The following ITGB5 variants were observed in gnomAD, a reference collection of about 807,000 sequenced individuals.
ITGB5 encodes integrin subunit beta 5.
A neutral mutation model predicts 84.8 loss-of-function variants in ITGB5; 38 were observed. That is an observed-to-expected ratio of 0.45 (90% CI 0.35 to 0.59). The LOEUF is 0.59. Ranked by LOEUF, ITGB5 falls within the 20% of genes least tolerant of loss-of-function variation. The probability of loss-of-function intolerance (pLI) is 0.01; values close to 1 mark genes in which losing one functional copy is unlikely to be tolerated. For synonymous variants in ITGB5, 393 were observed against 414.4 expected (o/e 0.95, Z 0.63); for missense variants, 905 against 1,034.5 (o/e 0.87, Z 1.72).
chr3:124,811,457 T>C (rs1291431552), intron 8 of ITGB5, among the ~76,000 whole-genome samples: 1 of 152,194 alleles, frequency 6.6e-6, no homozygotes, highest in Non-Finnish European at 1.5e-5. Context: ...AGTGAAGGCA[T>C]GTAAAAAAAT....
intron 6 of ITGB5, 100 bp downstream of exon 6, chr3:124,821,213 G>A: frequency 7.6e-7 from 1 of 1,322,610 alleles, no homozygotes; most frequent in Non-Finnish European, 1.0e-6. Context: ...AGTGAATACT[G>A]AGGGCCAGAG....
At chr3:124,830,930 G>T (rs527742948) in intron 5 of ITGB5, among the ~76,000 whole-genome samples, 3 of 152,158 alleles carry the variant, frequency 2.0e-5, no homozygotes, top group Admixed American at 6.5e-5. Flanking sequence ...GTTGCAGTGA[G>T]CTGAGATCAC....
chr3:124,896,930 A>T (rs1177955452), intron 1 of ITGB5, among the ~76,000 whole-genome samples: 3 of 149,710 alleles, frequency 2.0e-5, no homozygotes, highest in South Asian at 2.1e-4. Context: ...AAAAAAAAAA[A>T]TTTAAAAAGA....
At chr3:124,898,909 C>G (rs1033766328) in intron 1 of ITGB5, among the ~76,000 whole-genome samples, 31 of 151,644 alleles carry the variant, frequency 2.0e-4, no homozygotes, top group African/African-American at 7.2e-4. Context: ...AACCCTGTCT[C>G]TACTAAAAAT....
At chr3:124,772,016 A>G (rs1251288144) in intron 11 of ITGB5, among the ~76,000 whole-genome samples, 2 of 151,948 alleles carry the variant, frequency 1.3e-5, no homozygotes, top group African/African-American at 4.8e-5. Flanking sequence ...CTCCCCATTT[A>G]CCTAGTGTGC....
At chr3:124,820,927 G>T (rs2107559056) in intron 6 of ITGB5, among the ~76,000 whole-genome samples, 1 of 152,212 alleles carries the variant, frequency 6.6e-6, no homozygotes, top group Middle Eastern at 3.4e-3. Flanking sequence ...TAGAAGTCAG[G>T]AAGTCCTGCC....
intron 1 of ITGB5, among the ~76,000 whole-genome samples, chr3:124,876,024 AG>A (rs1324008411): frequency 6.6e-6 from 1 of 152,218 alleles, no homozygotes; most frequent in Non-Finnish European, 1.5e-5. Context: ...AGATGGTTAA[AG>A]GGTACAAAGT....
chr3:124,859,267 C>T lies in ITGB5; in HGVS notation c.336G>A (p.Gln112=). ...AGWDVIQMTP[Q]EIAVNLRPGD... is the part of the protein sequence containing the mutation. ...CGGGCCGGAGGTTCACGGCAATCTC[C>T]TGTGGTGTCATCTGAATGACGTCCC... Residue 112 remains glutamine (Q), a synonymous_variant, in exon 3 of 15, where the codon CAG becomes CAA. Transcript: ENST00000296181. 1 of 1,614,104 alleles carries T rather than the reference C, an allele frequency of 6.2e-7. No individual in the cohort carries two copies. The highest frequency in any genetic ancestry group is 8.5e-7 in the Non-Finnish European group (1 of 1,180,020).
At chr3:124,793,508 G>A (rs1283801531) in intron 10 of ITGB5, among the ~76,000 whole-genome samples, 2 of 152,246 alleles carry the variant, frequency 1.3e-5, no homozygotes, top group African/African-American at 4.8e-5. Flanking sequence ...TGCACATGGG[G>A]AACCAGGTGT....
chr3:124,801,631 T>C (rs2064317857), intron 9 of ITGB5, among the ~76,000 whole-genome samples: 1 of 152,178 alleles, frequency 6.6e-6, no homozygotes, highest in African/African-American at 2.4e-5. Context: ...CTGCTTTTCC[T>C]AATCCCTCTT....
At chr3:124,890,947 A>G (rs546755047), upstream of ITGB5, among the ~76,000 whole-genome samples, 3 of 152,056 alleles carry the variant, frequency 2.0e-5, no homozygotes, top group South Asian at 6.2e-4. Context: ...CATTAAATTC[A>G]GTATGCACTG....
At chr3:124,772,756 G>A (rs1030756721) in intron 11 of ITGB5, among the ~76,000 whole-genome samples, 1 of 152,124 alleles carries the variant, frequency 6.6e-6, no homozygotes, top group Non-Finnish European at 1.5e-5. Context: ...CCGAGTCAGC[G>A]AAGGCTGGGG....
chr3:124,829,608 C>T (rs1329467719), intron 5 of ITGB5, among the ~76,000 whole-genome samples: 1 of 152,156 alleles, frequency 6.6e-6, no homozygotes. Flanking sequence ...GCCTTTCAGC[C>T]AGTGCTCTCC....
intron 1 of ITGB5, among the ~76,000 whole-genome samples, chr3:124,893,841 A>G (rs1007452620): frequency 2.6e-5 from 4 of 152,328 alleles, no homozygotes; most frequent in East Asian, 1.9e-4. Flanking sequence ...GAAATTTTCA[A>G]CATAGGGATA....
chr3:124,859,406 A>T lies in ITGB5; in HGVS notation c.197T>A (p.Leu66Gln). 5 of 1,614,112 alleles carry T rather than the reference A, an allele frequency of 3.1e-6. No homozygotes were observed. The highest frequency in any genetic ancestry group is 1.6e-4 in the Middle Eastern group (1 of 6,062). The change falls in exon 3 of 15, where the codon CTG becomes CAG. Residue 66 changes from leucine (L) to glutamine (Q), a missense_variant. This residue lies in a region of ITGB5 where 656 missense variants were observed against 734.7 expected (regional missense o/e 0.89). Coordinates refer to ENST00000296181, the MANE Select transcript of ITGB5 (RefSeq NM_002213.5). Reference sequence around the variant, plus strand: ...GCCATTTTTGACAAGGTTTGCCCTCAGATCACACCGAGAGGTGATGGACCG... The same window carrying T: ...GCCATTTTTGACAAGGTTTGCCCTCTGATCACACCGAGAGGTGATGGACCG... ...SPRSITSRCD[L>Q]RANLVKNGCG...
At chr3:124,854,537 T>C (rs1055986748) in intron 3 of ITGB5, among the ~76,000 whole-genome samples, 1 of 152,200 alleles carries the variant, frequency 6.6e-6, no homozygotes, top group South Asian at 2.1e-4. Flanking sequence ...GTATAGGAAA[T>C]GTCCAGAATA....
chr3:124,870,535 T>C (rs1394150664), intron 2 of ITGB5, among the ~76,000 whole-genome samples: 1 of 152,090 alleles, frequency 6.6e-6, no homozygotes, highest in African/African-American at 2.4e-5. Flanking sequence ...AAGACCAGCC[T>C]GGCCAAGACG....
intron 8 of ITGB5, among the ~76,000 whole-genome samples, chr3:124,812,383 C>T (rs1253376903): frequency 6.6e-6 from 1 of 152,168 alleles, no homozygotes; most frequent in South Asian, 2.1e-4. Context: ...TGCTTTAAGT[C>T]GGGCCAGCTG....
rs1333117629 is a variant in ITGB5 at position 124,885,489 on chromosome 3, C to T, written c.70+1442G>A. Among the ~76,000 whole-genome samples the T allele has an allele frequency of 2.6e-5, 4 of 151,798 alleles. No individual in the cohort carries two copies. In the East Asian group the frequency reaches 7.7e-4, roughly 29 times the overall value. ...AGGGTTGTCAGATTTTCTTATTTTGCCAAAATTAAAAACTACTAATATTAT... is the reference window on the plus strand; with the variant it reads ...AGGGTTGTCAGATTTTCTTATTTTGTCAAAATTAAAAACTACTAATATTAT... On this transcript the variant is annotated intron_variant, in intron 1 of 14. Coordinates refer to ENST00000296181, the MANE Select transcript of ITGB5 (RefSeq NM_002213.5).
Sources: allele counts gnomAD v4.1 joint callset (sites outside exome capture counted in the v4.1 genomes callset), GRCh38; gene constraint gnomAD v4.1.1; regional missense constraint gnomAD v4.1.1; transcripts MANE v1.5; gene names NCBI Gene and HGNC (gene_info 2026-07-23, HGNC 2026-07-21).